PRDM16: variants seen among roughly 807,000 people sequenced by gnomAD.
PRDM16 encodes histone-lysine N-methyltransferase PRDM16.
In PRDM16, 23 loss-of-function variants were observed where a neutral mutation model predicts 110.6. The observed-to-expected ratio is 0.21, with a 90% CI of 0.15 to 0.29. PRDM16 has a LOEUF of 0.29. Among genes scored for constraint, PRDM16 ranks in the 10% least tolerant of loss-of-function variants. PRDM16 has a pLI of 1.00. For missense variants in PRDM16, 1,615 were observed against 1,794.3 expected (o/e 0.90, Z 1.81); for synonymous variants, 799 against 781.8 (o/e 1.02, Z -0.37).
At chr1:3,238,705 TTGGCCGTGGAGAGAGTCC>T (rs1308875130) in intron 2 of PRDM16, among the ~76,000 whole-genome samples, 1 of 152,160 alleles carries the variant, frequency 6.6e-6, no homozygotes, top group South Asian at 2.1e-4. Flanking sequence ...CGGAGGGAGC[TTGGCCGTGGAGAGAGTCC>T]TGGCCGGGGT....
At chr1:3,409,600 C>T (rs944348791) in intron 8 of PRDM16, among the ~76,000 whole-genome samples, 4 of 151,968 alleles carry the variant, frequency 2.6e-5, no homozygotes, top group East Asian at 1.9e-4. Flanking sequence ...TCCACCACGC[C>T]GTGTTTAGGA....
rs117198437 is a variant in PRDM16 at position 3,116,826 on chromosome 1, C to T, written c.37+47530C>T. Reference sequence around the variant, plus strand: ...TGGTGACTTGGTGGAGGGCTTGGAGCTCCGTGTGCCCCCACCTGCCTCCAG... The same window carrying T: ...TGGTGACTTGGTGGAGGGCTTGGAGTTCCGTGTGCCCCCACCTGCCTCCAG... On this transcript the variant is annotated intron_variant, in intron 1 of 16. Transcript: ENST00000270722. Among the ~76,000 whole-genome samples the T allele has an allele frequency of 1.4e-4, 21 of 152,322 alleles. No individual in the cohort carries two copies. The East Asian group carries it at 4.1e-3, about 29-fold the overall frequency.
chr1:3,249,572 A>C (rs1311923330), intron 3 of PRDM16, among the ~76,000 whole-genome samples: 1 of 152,012 alleles, frequency 6.6e-6, no homozygotes, highest in East Asian at 1.9e-4. Context: ...ACACACCAAA[A>C]TCCCTAACCC....
At chr1:3,072,969 C>G (rs1319590711) in intron 1 of PRDM16, among the ~76,000 whole-genome samples, 1 of 152,256 alleles carries the variant, frequency 6.6e-6, no homozygotes, top group East Asian at 1.9e-4. Flanking sequence ...GGAGCAACTG[C>G]TGGGTGGGCT....
At chr1:3,392,829 T>C (rs1040727333) in intron 4 of PRDM16, among the ~76,000 whole-genome samples, 1 of 152,234 alleles carries the variant, frequency 6.6e-6, no homozygotes, top group South Asian at 2.1e-4. Context: ...GTTGAGAACG[T>C]GGCCATTTAT....
intron 3 of PRDM16, among the ~76,000 whole-genome samples, chr1:3,269,016 T>C (rs1260739204): frequency 2.6e-5 from 4 of 152,246 alleles, no homozygotes; most frequent in Non-Finnish European, 4.4e-5. Flanking sequence ...TGATAGGCAC[T>C]GCAGAGGCAG....
intron 2 of PRDM16, among the ~76,000 whole-genome samples, chr1:3,225,530 CTG>C (rs57169358): frequency 0.12 from 17,128 of 138,712 alleles, 1,047 homozygotes; most frequent in Middle Eastern, 0.2. Context: ...TGCAGCTTGC[CTG>C]TGTGTGTGTG....
intron 1 of PRDM16, among the ~76,000 whole-genome samples, chr1:3,149,624 G>A (rs1305490847): frequency 1.3e-5 from 2 of 152,232 alleles, no homozygotes; most frequent in Non-Finnish European, 2.9e-5. Flanking sequence ...CACTCAATGA[G>A]CCAGGCTGGC....
chr1:3,090,409 G>T (rs974568119), intron 1 of PRDM16, among the ~76,000 whole-genome samples: 2 of 152,260 alleles, frequency 1.3e-5, no homozygotes, highest in African/African-American at 4.8e-5. Flanking sequence ...GGTGGCCGCC[G>T]TTCGGCAGGC....
Position 3,265,670 on chromosome 1 carries a change from C to T in PRDM16, c.438+21533C>T, listed in dbSNP as rs1046008515. Among the ~76,000 whole-genome samples the T allele has an allele frequency of 1.2e-4, 19 of 152,020 alleles. No individual in the cohort carries two copies. The highest frequency in any genetic ancestry group is 4.6e-4 in the African/African-American group (19 of 41,382). ...GCAGCCAAGGCCAGCCCTCTTGCCC[C>T]GGGGCTGCCTGGGTTTGTCCTGGGA... On this transcript the variant is annotated intron_variant, in intron 3 of 16. Coordinates refer to ENST00000270722, the MANE Select transcript of PRDM16 (RefSeq NM_022114.4). This position sits in a 1 kb window ranked among gnomAD's most constrained non-coding sequence, Gnocchi z 4.5.
intron 1 of PRDM16, among the ~76,000 whole-genome samples, chr1:3,129,842 G>GTC (rs1643296914): frequency 6.7e-6 from 1 of 149,672 alleles, no homozygotes; most frequent in Admixed American, 6.6e-5. Context: ...CCCCCTCTCT[G>GTC]TCTCTCTCTG....
At chr1:3,258,313 G>A (rs140468443) in intron 3 of PRDM16, among the ~76,000 whole-genome samples, 151 of 152,314 alleles carry the variant, frequency 9.9e-4, no homozygotes, top group Non-Finnish European at 1.2e-3. Flanking sequence ...AACAAATTGA[G>A]TTTGGCCAGA....
chr1:3,137,212 G>C (rs560964837), intron 1 of PRDM16, among the ~76,000 whole-genome samples: 65 of 152,352 alleles, frequency 4.3e-4, no homozygotes, highest in Non-Finnish European at 9.0e-4. Flanking sequence ...ACCGAGAGCA[G>C]GGCCTTTCCT....
chr1:3,258,647 T>C (rs985679477), intron 3 of PRDM16, among the ~76,000 whole-genome samples: 12 of 152,260 alleles, frequency 7.9e-5, no homozygotes, highest in Admixed American at 6.5e-5. Flanking sequence ...ACAGAAATGT[T>C]TGCATTGCCT....
chr1:3,344,983 G>A lies in PRDM16; in HGVS notation c.439-40169G>A, dbSNP rs568026712. 2.6e-5 allele frequency among the ~76,000 whole-genome samples: 4 copies of A among 152,330 alleles called. No homozygotes were observed. The East Asian group carries it at 7.7e-4, about 29-fold the overall frequency. On this transcript the variant is annotated intron_variant, in intron 3 of 16. Transcript: ENST00000270722. ...TGAGCAATTCAGGGGTTTGAGGGGTGTATATGCACACAGGAGGATCATGTC... is the reference window on the plus strand; with the variant it reads ...TGAGCAATTCAGGGGTTTGAGGGGTATATATGCACACAGGAGGATCATGTC...
chr1:3,225,530 CTGTGTGTGTGTGTGTGTGTGTG>C (rs57169358), intron 2 of PRDM16, among the ~76,000 whole-genome samples: 9 of 139,128 alleles, frequency 6.5e-5, no homozygotes, highest in East Asian at 4.2e-4. Flanking sequence ...TGCAGCTTGC[CTGTGTGTGTGTGTGTGTGTGTG>C]TGTGTGTGTG....
In PRDM16 at chr1:3,083,253, G is replaced by A. The variant is rs145188442; in HGVS notation, c.37+13957G>A. ...CGCAGGGGTCGGGTCTCCTGGCTGC[G>A]CCCCACCAAGCAGCAACCTGGCGGC... On this transcript the variant is annotated intron_variant, in intron 1 of 16. Transcript: ENST00000270722. Among the ~76,000 whole-genome samples the A allele has an allele frequency of 7.4e-4, 112 of 152,264 alleles. No individual in the cohort carries two copies. The East Asian group carries it at 0.02, about 27-fold the overall frequency.
chr1:3,119,078 T>C (rs1342340173), intron 1 of PRDM16, among the ~76,000 whole-genome samples: 1 of 152,200 alleles, frequency 6.6e-6, no homozygotes, highest in Non-Finnish European at 1.5e-5. Flanking sequence ...TGGCCATCTC[T>C]GTACCCTGTG....
chr1:3,337,674 C>A (rs557634472), intron 3 of PRDM16, among the ~76,000 whole-genome samples: 2 of 152,298 alleles, frequency 1.3e-5, no homozygotes, highest in East Asian at 3.9e-4. Flanking sequence ...CATCTCTGCC[C>A]CAGGCTGGCT....
Sources: gnomAD v4.1 joint callset for allele counts (sites outside exome capture counted in the v4.1 genomes callset) on GRCh38, gnomAD v4.1.1 for gene constraint, Gnocchi (gnomAD v3.1) non-coding constraint, MANE v1.5 for transcripts, NCBI Gene and HGNC (gene_info 2026-07-23, HGNC 2026-07-21) for gene names.